Variants in HCN1 observed in about 807,000 individuals in gnomAD.
The protein encoded by HCN1 is hyperpolarization activated cyclic nucleotide gated potassium channel 1.
Under a neutral mutation model 78.9 loss-of-function variants are expected in HCN1, and 13 were observed. The ratio of observed to expected loss-of-function variants is 0.16; its 90% CI spans 0.11 to 0.26. The LOEUF (loss-of-function observed/expected upper bound fraction) is 0.26. Ranked by LOEUF, HCN1 falls within the 10% of genes least tolerant of loss-of-function variation. The pLI, the probability that HCN1 is intolerant of heterozygous loss-of-function variation, is 1.00. For missense variants in HCN1, 810 were observed against 1,154.3 expected (o/e 0.70, Z 4.32); for synonymous variants, 552 against 455.5 (o/e 1.21, Z -2.70).
intron 2 of HCN1, among the ~76,000 whole-genome samples, chr5:45,524,824 C>A (rs1328795148): frequency 1.3e-5 from 2 of 152,130 alleles, no homozygotes; most frequent in African/African-American, 4.8e-5. Flanking sequence ...TTGACTTCCT[C>A]TTTTCCTAAT....
rs565868859 is a variant in HCN1 at position 45,275,352 on chromosome 5, TA to T, written c.1619-8100del. Among the ~76,000 whole-genome samples the T allele has an allele frequency of 1.8e-4, 27 of 152,158 alleles. No homozygotes were observed. The South Asian group carries it at 5.4e-3, about 30-fold the overall frequency. On this transcript the variant is annotated intron_variant, in intron 6 of 7. Coordinates refer to ENST00000303230, the MANE Select transcript of HCN1 (RefSeq NM_021072.4). ...ACAAGGTGCTCACATTTGAATACAA[TA>T]TACCAAATAGGCAAATCTTTTTGTG... is the stretch of plus-strand genomic sequence containing the variant.
At chr5:45,402,475 C>T (rs994690847) in intron 3 of HCN1, among the ~76,000 whole-genome samples, 46 of 152,228 alleles carry the variant, frequency 3.0e-4, no homozygotes, top group African/African-American at 1.1e-3. Context: ...GAGACTCCCT[C>T]TCCTGCCTCA....
At chr5:45,520,163 C>A (rs149294014) in intron 2 of HCN1, among the ~76,000 whole-genome samples, 2 of 152,100 alleles carry the variant, frequency 1.3e-5, no homozygotes, top group African/African-American at 4.8e-5. Flanking sequence ...TATTGTTTTG[C>A]TTAGCCTGCT....
At chr5:45,361,004 C>G (rs1244605895) in intron 4 of HCN1, among the ~76,000 whole-genome samples, 1 of 152,008 alleles carries the variant, frequency 6.6e-6, no homozygotes, top group Non-Finnish European at 1.5e-5. Flanking sequence ...GCATGGAAAA[C>G]AGTCAAAATT....
At chr5:45,353,863 C>A (rs1435584619) in intron 4 of HCN1, among the ~76,000 whole-genome samples, 1 of 151,870 alleles carries the variant, frequency 6.6e-6, no homozygotes, top group Non-Finnish European at 1.5e-5. Flanking sequence ...TACTGTATAG[C>A]TGAAAGTTAA....
At chr5:45,612,290 A>G (rs1744853943) in intron 2 of HCN1, among the ~76,000 whole-genome samples, 1 of 152,172 alleles carries the variant, frequency 6.6e-6, no homozygotes, top group Non-Finnish European at 1.5e-5. Context: ...TTTAATGGCA[A>G]TTATTATCTG....
At chr5:45,362,777 C>A (rs963211716) in intron 4 of HCN1, among the ~76,000 whole-genome samples, 1 of 151,974 alleles carries the variant, frequency 6.6e-6, no homozygotes, top group Non-Finnish European at 1.5e-5. Context: ...TGAATCTAGG[C>A]AATATGGCTT....
chr5:45,642,708 T>C (rs1561229727), intron 2 of HCN1: 2 of 152,168 alleles, frequency 1.3e-5, no homozygotes. Context: ...ATTTGTTGTA[T>C]TTTTACTTGT....
At chr5:45,522,612 T>G (rs1361612609) in intron 2 of HCN1, among the ~76,000 whole-genome samples, 3 of 151,828 alleles carry the variant, frequency 2.0e-5, no homozygotes, top group East Asian at 2.0e-4. Context: ...CTTTTTTTTT[T>G]TTTGTTTTGT....
chr5:45,500,672 C>T (rs1234769153), intron 2 of HCN1, among the ~76,000 whole-genome samples: 1 of 152,076 alleles, frequency 6.6e-6, no homozygotes, highest in African/African-American at 2.4e-5. Context: ...CAACCTAACC[C>T]TTATCCGTCA....
At chr5:45,458,572 T>C (rs1741072182) in intron 3 of HCN1, among the ~76,000 whole-genome samples, 1 of 152,144 alleles carries the variant, frequency 6.6e-6, no homozygotes, top group Non-Finnish European at 1.5e-5. Flanking sequence ...TCTACTGCAG[T>C]TGGAGTGCTT....
intron 4 of HCN1, among the ~76,000 whole-genome samples, chr5:45,367,004 CAACAT>C: frequency 6.6e-6 from 1 of 151,738 alleles, no homozygotes; most frequent in Middle Eastern, 3.4e-3. Flanking sequence ...TTATCAGTCT[CAACAT>C]AAATCAATTT....
chr5:45,609,247 A>C lies in HCN1; in HGVS notation c.849+35938T>G, dbSNP rs185510311. Among the ~76,000 whole-genome samples, 259 of 152,258 alleles carry C rather than the reference A, an allele frequency of 1.7e-3. 1 individual carries two copies. Among genetic ancestry groups the C allele is most frequent in the African/African-American group, 6.0e-3 (250 of 41,574 alleles). On this transcript the variant is annotated intron_variant, in intron 2 of 7. Coordinates refer to ENST00000303230, the MANE Select transcript of HCN1 (RefSeq NM_021072.4). ...ATACTCCCTAGAGAAAAATCTTAGAAATGTACACAAGAAGACATGTAAAAT... is the reference window on the plus strand; with the variant it reads ...ATACTCCCTAGAGAAAAATCTTAGACATGTACACAAGAAGACATGTAAAAT...
chr5:45,424,395 C>T (rs1740296658), intron 3 of HCN1, among the ~76,000 whole-genome samples: 1 of 152,060 alleles, frequency 6.6e-6, no homozygotes, highest in African/African-American at 2.4e-5. Context: ...AATTTCCTCT[C>T]TTTTAAAAAC....
At chr5:45,520,154 A>G (rs1435333279) in intron 2 of HCN1, among the ~76,000 whole-genome samples, 1 of 151,968 alleles carries the variant, frequency 6.6e-6, no homozygotes, top group Admixed American at 6.6e-5. Flanking sequence ...CCTCATCTAT[A>G]TTGTTTTGCT....
At chr5:45,620,479 A>AT (rs1249394037) in intron 2 of HCN1, among the ~76,000 whole-genome samples, 1 of 151,800 alleles carries the variant, frequency 6.6e-6, no homozygotes, top group Non-Finnish European at 1.5e-5. Context: ...TTTCAAATTA[A>AT]TTTTTTTAAA....
intron 2 of HCN1, among the ~76,000 whole-genome samples, chr5:45,537,536 T>C (rs906437197): frequency 1.3e-4 from 16 of 119,956 alleles, no homozygotes; most frequent in Admixed American, 3.5e-4. Flanking sequence ...TTTTTTTTTT[T>C]TTTTTTTTTT....
rs543213444 is a variant in HCN1, at chr5:45,313,983, C to G, written c.1378-10144G>C. On this transcript the variant is annotated intron_variant, in intron 5 of 7. Transcript: ENST00000303230. ...GGAGAACTTCCCCAACCTAGCAAGG[C>G]AGGCCAACATTCAAATTCAGGAAAT... 4.6e-5 allele frequency among the ~76,000 whole-genome samples: 7 copies of G among 152,238 alleles called. 1 individual carries two copies. The highest frequency in any genetic ancestry group is 1.7e-4 in the African/African-American group (7 of 41,540).
chr5:45,363,029 A>C (rs1296252506), intron 4 of HCN1, among the ~76,000 whole-genome samples: 2 of 149,756 alleles, frequency 1.3e-5, no homozygotes, highest in African/African-American at 4.9e-5. Context: ...CCTGATTACT[A>C]CCATGATACT....
Sources: gnomAD v4.1 joint callset for allele counts (sites outside exome capture counted in the v4.1 genomes callset) on GRCh38, gnomAD v4.1.1 for gene constraint, MANE v1.5 for transcripts, NCBI Gene and HGNC (gene_info 2026-07-23, HGNC 2026-07-21) for gene names.